CRYBB3: variants seen among roughly 807,000 people sequenced by gnomAD.
The protein encoded by CRYBB3 is beta-crystallin B3.
Under a neutral mutation model 28.3 loss-of-function variants are expected in CRYBB3, and 35 were observed. The ratio of observed to expected loss-of-function variants is 1.24; its 90% CI spans 0.95 to 1.64. The LOEUF (loss-of-function observed/expected upper bound fraction) is 1.64. Among genes scored for constraint, CRYBB3 ranks in the 40% most tolerant of loss-of-function variants. The pLI is 0.00. For synonymous variants in CRYBB3, 106 were observed against 110.4 expected (o/e 0.96, Z 0.25); for missense variants, 296 against 297.4 (o/e 1.00, Z 0.04).
In CRYBB3 at chr22:25,201,400, G is replaced by A. The variant is rs764517889; in HGVS notation, c.4G>A (p.Ala2Thr). The change falls in exon 2 of 6, where the codon GCG becomes ACG. Residue 2 changes from alanine to threonine, a missense_variant. Coordinates refer to ENST00000215855, the MANE Select transcript of CRYBB3 (RefSeq NM_004076.5). ...AGCCAGAGGTGTTCCTGGGGAGATG[G>A]CGGAACAGCACGGAGCACCCGAACA... M[A>T]EQHGAPEQAA... 5.0e-6 allele frequency: 8 copies of A among 1,613,372 alleles called. No individual in the cohort carries two copies. In the East Asian group the frequency reaches 1.8e-4, roughly 36 times the overall value.
At chr22:25,202,606 AAAG>A in intron 2 of CRYBB3, 65 bp from the exon 3 acceptor site, 1 of 1,609,134 alleles carries the variant, frequency 6.2e-7, no homozygotes, top group Non-Finnish European at 8.5e-7. Flanking sequence ...TCTAATGCCC[AAAG>A]GAGGGGCAGA....
chr22:25,206,052 A>G (rs1255862093), intron 5 of CRYBB3, among the ~76,000 whole-genome samples: 2 of 152,160 alleles, frequency 1.3e-5, no homozygotes, highest in Non-Finnish European at 2.9e-5. Flanking sequence ...TCTAGGCTTA[A>G]TATCACCGTT....
intron 3 of CRYBB3, 65 bp downstream of exon 3, chr22:25,202,857 G>T: frequency 6.2e-7 from 1 of 1,600,262 alleles, no homozygotes; most frequent in Admixed American, 1.7e-5. Flanking sequence ...GGAGGCCCCA[G>T]TCTGAGCTCT....
chr22:25,202,715 C>T lies in CRYBB3; in HGVS notation c.117C>T (p.Cys39=), dbSNP rs764774270. Residue 39 remains cysteine, a synonymous_variant, in exon 3 of 6, where the codon TGC becomes TGT. Transcript: ENST00000215855. ...YELENFQGKR[C]ELSAECPSLT... Reference sequence around the variant, plus strand: ...TAGAGAACTTCCAAGGCAAACGCTGCGAGCTCTCGGCCGAGTGCCCCAGCC... The same window carrying T: ...TAGAGAACTTCCAAGGCAAACGCTGTGAGCTCTCGGCCGAGTGCCCCAGCC... The T allele has an allele frequency of 1.8e-5, 29 of 1,613,944 alleles. No homozygotes were observed. The highest frequency in any genetic ancestry group is 5.0e-5 in the Admixed American group (3 of 59,994).
Position 25,207,269 on chromosome 22 carries a change from G to A in CRYBB3, c.*57G>A. ...CCCTGGGGGGCTGCAAGGGCAAGAA[G>A]AGGAGGCTCCAGGGTTGGGGCGAGG... On this transcript the variant is annotated 3_prime_UTR_variant, in exon 6 of 6. Coordinates refer to ENST00000215855, the MANE Select transcript of CRYBB3 (RefSeq NM_004076.5). The A allele has an allele frequency of 6.6e-7, 1 of 1,526,404 alleles. No homozygotes were observed. The highest frequency in any genetic ancestry group is 1.2e-5 in the South Asian group (1 of 85,596). 94.6% of individuals were successfully genotyped at this position (1,526,404 alleles called of 1,614,324 possible).
intron 1 of CRYBB3, among the ~76,000 whole-genome samples, chr22:25,200,202 C>A (rs1194730039): frequency 6.6e-6 from 1 of 152,062 alleles, no homozygotes; most frequent in Non-Finnish European, 1.5e-5. Context: ...CTGCCAAGTC[C>A]CCCGAGAGTC....
Position 25,201,383 on chromosome 22 carries a change from G to T in CRYBB3, c.-14G>T, listed in dbSNP as rs771152543. The T allele has an allele frequency of 6.2e-6, 10 of 1,612,988 alleles. No individual in the cohort carries two copies. In the East Asian group the frequency reaches 2.0e-4, roughly 32 times the overall value. On this transcript the variant is annotated 5_prime_UTR_variant, in exon 2 of 6. Transcript: ENST00000215855. ...ATTTTCTTTTGGTTTGAAGCCAGAG[G>T]TGTTCCTGGGGAGATGGCGGAACAG...
intron 4 of CRYBB3, among the ~76,000 whole-genome samples, chr22:25,204,392 C>G (rs1934996747): frequency 6.6e-6 from 1 of 152,132 alleles, no homozygotes; most frequent in Non-Finnish European, 1.5e-5. Context: ...CTTTCTCTCT[C>G]TCTCTTTTTA....
intron 3 of CRYBB3, 58 bp downstream of exon 3, chr22:25,202,850 G>A: frequency 6.2e-7 from 1 of 1,604,858 alleles, no homozygotes; most frequent in African/African-American, 1.3e-5. Flanking sequence ...GGAGTGTGGA[G>A]GCCCCAGTCT....
chr22:25,200,589 G>A (rs1451381046), intron 1 of CRYBB3, among the ~76,000 whole-genome samples: 1 of 152,132 alleles, frequency 6.6e-6, no homozygotes, highest in African/African-American at 2.4e-5. Context: ...TGTGTCCATG[G>A]GTGCAACAAT....
At chr22:25,204,771 C>A (rs79277469) in intron 4 of CRYBB3, among the ~76,000 whole-genome samples, 2,165 of 152,268 alleles carry the variant, frequency 0.014, 46 homozygotes, top group African/African-American at 0.05. Flanking sequence ...ACTCACACCC[C>A]GCAGCTGCTC....
chr22:25,202,971 C>A (rs1255729751), intron 3 of CRYBB3, among the ~76,000 whole-genome samples, 179 bp downstream of exon 3: 1 of 152,194 alleles, frequency 6.6e-6, no homozygotes, highest in Non-Finnish European at 1.5e-5. Flanking sequence ...TAGATGTCTG[C>A]AGAAAATCCC....
At chr22:25,205,064 G>C (rs541407841) in intron 4 of CRYBB3, among the ~76,000 whole-genome samples, 156 bp from the exon 5 acceptor site, 46 of 152,260 alleles carry the variant, frequency 3.0e-4, no homozygotes, top group South Asian at 2.3e-3. Flanking sequence ...GTGAATTTGG[G>C]GGTGGAGGCA....
chr22:25,207,310 C>G lies in CRYBB3; in HGVS notation c.*98C>G. ...TGGGGCGAGGGCCGACCTGTCCACCCTTCCCTGGAATCTGCTCAATAAAGC... is the reference window on the plus strand; with the variant it reads ...TGGGGCGAGGGCCGACCTGTCCACCGTTCCCTGGAATCTGCTCAATAAAGC... On this transcript the variant is annotated 3_prime_UTR_variant, in exon 6 of 6. Coordinates refer to ENST00000215855, the MANE Select transcript of CRYBB3 (RefSeq NM_004076.5). 1 of 1,088,740 alleles carries G rather than the reference C, an allele frequency of 9.2e-7. No individual in the cohort carries two copies. The highest frequency in any genetic ancestry group is 1.3e-6 in the Non-Finnish European group (1 of 765,524). 67.4% of individuals were successfully genotyped at this position (1,088,740 alleles called of 1,614,324 possible).
chr22:25,203,882 G>C lies in CRYBB3; in HGVS notation c.314G>C (p.Arg105Pro). The C allele has an allele frequency of 1.9e-6, 3 of 1,614,084 alleles. No individual in the cohort carries two copies. Among genetic ancestry groups the C allele is most frequent in the Non-Finnish European group, 2.5e-6 (3 of 1,180,002 alleles). Residue 105 changes from arginine to proline, a missense_variant, in exon 4 of 6, where the codon CGG (arginine) becomes CCG (proline). Physicochemically the swap from Arg to Pro is moderately radical, Grantham distance 103. Transcript: ENST00000215855. ...SRDSDSLLSL[R>P]PLNIDSPHHK... ...GATAGTGACAGCCTTCTGTCCCTCC[G>C]GCCTCTGAATATTGTGAGTGTGGTT...
At chr22:25,206,725 A>G (rs1935041699) in intron 5 of CRYBB3, among the ~76,000 whole-genome samples, 1 of 152,000 alleles carries the variant, frequency 6.6e-6, no homozygotes, top group Non-Finnish European at 1.5e-5. Flanking sequence ...GCAAGTGGAA[A>G]AAAGGGGGAA....
intron 3 of CRYBB3, among the ~76,000 whole-genome samples, chr22:25,203,106 T>C (rs760655838): frequency 2.6e-5 from 4 of 152,230 alleles, no homozygotes; most frequent in Non-Finnish European, 1.5e-5. Flanking sequence ...ATGCATTATG[T>C]CATTGAATCG....
intron 2 of CRYBB3, 126 bp downstream of exon 2, chr22:25,201,597 C>T (rs572823233): frequency 5.1e-5 from 74 of 1,455,622 alleles, no homozygotes; most frequent in East Asian, 3.5e-4. Flanking sequence ...CAGGACAAAA[C>T]GCTCCGGGTG....
Position 25,203,794 on chromosome 22 carries a change from G to T in CRYBB3, c.226G>T (p.Gly76Trp). 1 of 1,614,192 alleles carries T rather than the reference G, an allele frequency of 6.2e-7. No homozygotes were observed. Among genetic ancestry groups the T allele is most frequent in the Admixed American group, 1.7e-5 (1 of 60,032 alleles). Reference protein sequence around the residue: ...WLAFESRAFRGEQFVLEKGDY... With the variant: ...WLAFESRAFRWEQFVLEKGDY... Reference sequence around the variant, plus strand: ...GGCATTTGAGTCCAGGGCCTTCCGCGGGGAGCAGTTTGTTCTGGAGAAGGG... The same window carrying T: ...GGCATTTGAGTCCAGGGCCTTCCGCTGGGAGCAGTTTGTTCTGGAGAAGGG... Residue 76 changes from glycine to tryptophan, a missense_variant, in exon 4 of 6, where the codon GGG becomes TGG. By Grantham distance (184) the Gly-to-Trp change is radical. Coordinates refer to ENST00000215855, the MANE Select transcript of CRYBB3 (RefSeq NM_004076.5).
Sources: gnomAD v4.1 joint callset for allele counts (sites outside exome capture counted in the v4.1 genomes callset) on GRCh38, gnomAD v4.1.1 for gene constraint, MANE v1.5 for transcripts, NCBI Gene and HGNC (gene_info 2026-07-23, HGNC 2026-07-21) for gene names.